Variants in OBP2B observed in about 807,000 individuals in gnomAD.
OBP2B encodes the protein odorant binding protein 2B, also known as odorant-binding protein 2b.
OBP2B carries 10 observed loss-of-function variants against 21.7 expected under a neutral mutation model. The observed-to-expected ratio is 0.46, with a 90% CI of 0.28 to 0.78. The LOEUF (loss-of-function observed/expected upper bound fraction) is 0.78, where lower values mean the gene tolerates loss of function less well. Ranked by LOEUF, OBP2B falls within the 30% of genes least tolerant of loss-of-function variation. The pLI, the probability that OBP2B is intolerant of heterozygous loss-of-function variation, is 0.11. For synonymous variants in OBP2B, 73 were observed against 91.5 expected, an observed-to-expected ratio of 0.80 and a Z score of 1.16; for missense variants, 153 against 217.7, an observed-to-expected ratio of 0.70 and a Z score of 1.87.
At chr9:133,219,113 C>T in the OBP2B span, among the ~76,000 whole-genome samples, 2 of 152,242 alleles carry the variant, frequency 1.3e-5, no homozygotes, top group South Asian at 2.1e-4. Context: ...TCACGCCACA[C>T]ACAAGCTTTC....
At chr9:133,213,527 A>G (rs1350386252), upstream of OBP2B, among the ~76,000 whole-genome samples, 1 of 152,178 alleles carries the variant, frequency 6.6e-6, no homozygotes, top group African/African-American at 2.4e-5. Context: ...GGAAAAATTA[A>G]TAAAATTGAG....
chr9:133,220,555 A>G, the OBP2B span, among the ~76,000 whole-genome samples: 1 of 150,408 alleles, frequency 6.6e-6, no homozygotes, highest in Non-Finnish European at 1.5e-5. Flanking sequence ...GAAGATGTCC[A>G]CATCCTCATC....
chr9:133,220,440 A>C, the OBP2B span, among the ~76,000 whole-genome samples: 1 of 152,210 alleles, frequency 6.6e-6, no homozygotes, highest in African/African-American at 2.4e-5. Flanking sequence ...ATTGATTGCC[A>C]GTTCCCCCCA....
rs12336956 is a variant in OBP2B, at chr9:133,208,253, C to T, written c.207-50G>A. On this transcript the variant is annotated intron_variant, in intron 2 of 6. Coordinates refer to ENST00000372034, the MANE Select transcript of OBP2B (RefSeq NM_014581.4). ...AGCGGCTCCCAGGACACCCATGGCCCATCCTCAGCTCACCTGGTGCATGGC... is the reference window on the plus strand; with the variant it reads ...AGCGGCTCCCAGGACACCCATGGCCTATCCTCAGCTCACCTGGTGCATGGC... 21,519 of 1,609,510 alleles carry T rather than the reference C, an allele frequency of 0.013. 1,357 individuals are homozygous for T. The African/African-American group carries it at 0.19, about 15-fold the overall frequency.
At position 133,206,500 on chromosome 9, in the gene OBP2B, G is replaced by A. The variant is rs139911703; in HGVS notation, c.389-84C>T. On this transcript the variant is annotated intron_variant, in intron 4 of 6. Coordinates refer to ENST00000372034, the MANE Select transcript of OBP2B (RefSeq NM_014581.4). ...GCAGATGCCGAAAGGAGACGACCAC[G>A]GCCCAGCACCAGGACAGGGGGAGAG... 4.1e-3 allele frequency: 6,456 copies of A among 1,562,414 alleles called. 20 individuals carry two copies. Among genetic ancestry groups the A allele is most frequent in the Non-Finnish European group, 5.3e-3 (5,997 of 1,141,582 alleles).
At chr9:133,206,030 C>A (rs374030702) in intron 5 of OBP2B, 90 bp from the exon 6 acceptor site, 2 of 1,569,890 alleles carry the variant, frequency 1.3e-6, no homozygotes, top group East Asian at 2.2e-5. Flanking sequence ...AGCCCCAGAG[C>A]CCATCGCAGC....
At chr9:133,207,728 A>T in intron 3 of OBP2B, 1 of 671,734 alleles carries the variant, frequency 1.5e-6, no homozygotes. Flanking sequence ...CAGCTTCCCG[A>T]TCCCTAACCC....
At chr9:133,213,304 T>A (rs1833938958), upstream of OBP2B, among the ~76,000 whole-genome samples, 1 of 152,062 alleles carries the variant, frequency 6.6e-6, no homozygotes, top group Admixed American at 6.6e-5. Context: ...CTGAGAGGCA[T>A]TAAATGCATA....
intron 4 of OBP2B, among the ~76,000 whole-genome samples, chr9:133,206,640 C>T (rs1237232798): frequency 1.3e-5 from 2 of 149,398 alleles, no homozygotes; most frequent in African/African-American, 5.0e-5. Context: ...GGGGTGGGGC[C>T]GGGGACAGAA....
At chr9:133,213,270 T>G (rs1270469437), upstream of OBP2B, among the ~76,000 whole-genome samples, 1 of 151,864 alleles carries the variant, frequency 6.6e-6, no homozygotes, top group Non-Finnish European at 1.5e-5. Flanking sequence ...ATATCAAAAT[T>G]TGTGAGACAC....
upstream of OBP2B, among the ~76,000 whole-genome samples, chr9:133,209,866 C>T (rs1249843378): frequency 6.6e-6 from 1 of 152,266 alleles, no homozygotes; most frequent in Middle Eastern, 3.4e-3. The surrounding 1 kb of genome is among the most constrained non-coding windows in gnomAD (Gnocchi z 6.0). Flanking sequence ...TGAGGGACCC[C>T]GCCGCCTCCC....
At chr9:133,213,879 A>G (rs1274468901), upstream of OBP2B, among the ~76,000 whole-genome samples, 3 of 152,228 alleles carry the variant, frequency 2.0e-5, no homozygotes, top group African/African-American at 7.2e-5. Flanking sequence ...AACTCTGCAT[A>G]ATCTCAGAAG....
rs1132280 is a variant in OBP2B at position 133,206,405 on chromosome 9, C to G, written c.400G>C (p.Asp134His). The G allele has an allele frequency of 5.0e-6, 8 of 1,610,568 alleles. No homozygotes were observed. The highest frequency in any genetic ancestry group is 6.8e-6 in the Non-Finnish European group (8 of 1,176,850). Residue 134 changes from aspartate to histidine, a missense_variant, in exon 5 of 7, where the codon GAT becomes CAT. Around this residue, in one of 2 missense-constraint regions of OBP2B, gnomAD observed 151 missense variants for 186.3 expected, o/e 0.81. Coordinates refer to ENST00000372034, the MANE Select transcript of OBP2B (RefSeq NM_014581.4). ...HMGKLVGRNS[D>H]TNREALEEFK... ...TCTTCCAGGGCCTCCCGGTTGGTAT[C>G]AGAATTCCTACCTGCAGGTGAGGTG...
intron 2 of OBP2B, 105 bp from the exon 3 acceptor site, chr9:133,208,308 C>T (rs3891088): frequency 0.39 from 621,467 of 1,586,938 alleles, 89,835 homozygotes; most frequent in East Asian, 0.52. Context: ...AATTCCACTG[C>T]CCCCCACCCC....
At position 133,206,347 on chromosome 9, in the gene OBP2B, G is replaced by A. The variant is rs553948862; in HGVS notation, c.458C>T (p.Ser153Leu). 4.3e-6 allele frequency: 7 copies of A among 1,614,078 alleles called. No homozygotes were observed. Among genetic ancestry groups the A allele is most frequent in the Admixed American group, 3.3e-5 (2 of 60,012 alleles). ...FKKLVQRKGLSEEDIFTPLQT... is the reference protein window; with the variant it reads ...FKKLVQRKGLLEEDIFTPLQT... ...CAGGGGCGTGAAAATGTCCTCCTCC[G>A]AGAGTCCCTTGCGCTGCACCAATTT... The change falls in exon 5 of 7, where the codon TCG becomes TTG. Residue 153 changes from serine (S) to leucine (L), a missense_variant. This residue lies in a region of OBP2B where 151 missense variants were observed against 186.3 expected (regional missense o/e 0.81). Transcript: ENST00000372034.
rs1193619140 is a variant in OBP2B at position 133,206,048 on chromosome 9, G to A, written c.491-108C>T. 41 of 1,485,430 alleles carry A rather than the reference G, an allele frequency of 2.8e-5. No individual in the cohort carries two copies. In the East Asian group the frequency reaches 5.4e-4, roughly 20 times the overall value. 92.0% of individuals were successfully genotyped at this position (1,485,430 alleles called of 1,614,324 possible). ...CCCAGAGCCCATCGCAGCCCAGAGC[G>A]CGGAGCCCCAGACCCCATCGCAGCC... On this transcript the variant is annotated intron_variant, in intron 5 of 6. Coordinates refer to ENST00000372034, the MANE Select transcript of OBP2B (RefSeq NM_014581.4).
At chr9:133,211,517 T>G (rs1379474108), upstream of OBP2B, among the ~76,000 whole-genome samples, 1 of 152,230 alleles carries the variant, frequency 6.6e-6, no homozygotes, top group Non-Finnish European at 1.5e-5. Context: ...TCTTCTGTGC[T>G]TCCCCTGACA....
At chr9:133,221,436 T>C in the OBP2B span, among the ~76,000 whole-genome samples, 1 of 152,158 alleles carries the variant, frequency 6.6e-6, no homozygotes, top group African/African-American at 2.4e-5. Context: ...GGGATACTCT[T>C]GGGCACGGCA....
At chr9:133,208,032 C>T (rs1376413770) in intron 3 of OBP2B, 101 bp downstream of exon 3, 31 of 1,483,112 alleles carry the variant, frequency 2.1e-5, no homozygotes, top group Non-Finnish European at 1.6e-5. Context: ...AGAGCTGGGG[C>T]CCTGGCAAAA....
Sources: gnomAD v4.1 joint callset for allele counts (sites outside exome capture counted in the v4.1 genomes callset) on GRCh38, gnomAD v4.1.1 for gene constraint, gnomAD v4.1.1 regional missense constraint, Gnocchi (gnomAD v3.1) non-coding constraint, MANE v1.5 for transcripts, NCBI Gene and HGNC (gene_info 2026-07-23, HGNC 2026-07-21) for gene names.